BACH2: variants seen among roughly 807,000 people sequenced by gnomAD.
The protein encoded by BACH2 is BACH transcriptional regulator 2, also known as transcription regulator protein BACH2.
A neutral mutation model predicts 61.8 loss-of-function variants in BACH2; 5 were observed. The ratio of observed to expected loss-of-function variants is 0.08; its 90% CI spans 0.04 to 0.17. The LOEUF is 0.17. BACH2 is among the 10% of genes least tolerant of loss of function. The pLI is 1.00. For missense variants in BACH2, 824 were observed against 1,091.1 expected (o/e 0.76, Z 3.45); for synonymous variants, 446 against 440.1 (o/e 1.01, Z -0.17).
intron 4 of BACH2, among the ~76,000 whole-genome samples, chr6:90,126,977 C>T (rs750679952): frequency 2.0e-5 from 3 of 152,202 alleles, no homozygotes; most frequent in Non-Finnish European, 4.4e-5. Context: ...TGTTTCCTTC[C>T]TCCCTTTAAA....
intron 4 of BACH2, among the ~76,000 whole-genome samples, chr6:90,106,634 T>C (rs1302312914): frequency 6.6e-6 from 1 of 152,082 alleles, no homozygotes; most frequent in East Asian, 1.9e-4. Flanking sequence ...AAGCAATGAA[T>C]GACTGTGCTA....
chr6:90,291,690 T>A (rs1264784157), intron 1 of BACH2, among the ~76,000 whole-genome samples: 1 of 151,966 alleles, frequency 6.6e-6, no homozygotes, highest in Non-Finnish European at 1.5e-5. Context: ...TCATAGCAGG[T>A]TTCAGTTTGG....
chr6:90,229,857 C>T (rs1358682695), intron 3 of BACH2, among the ~76,000 whole-genome samples: 15 of 152,240 alleles, frequency 9.9e-5, no homozygotes, highest in Admixed American at 2.6e-4. Flanking sequence ...ATTGTGCCGT[C>T]GAGATATTTG....
chr6:90,135,611 G>C (rs964617489), intron 4 of BACH2, among the ~76,000 whole-genome samples: 1 of 152,120 alleles, frequency 6.6e-6, no homozygotes, highest in African/African-American at 2.4e-5. Flanking sequence ...AGATACTCGA[G>C]AGCTGAGTAG....
At chr6:90,054,839 C>T (rs570068895) in intron 5 of BACH2, among the ~76,000 whole-genome samples, 13 of 152,298 alleles carry the variant, frequency 8.5e-5, no homozygotes, top group African/African-American at 2.4e-4. Context: ...CTGCAGCCAC[C>T]GCTGCTGATA....
intron 6 of BACH2, among the ~76,000 whole-genome samples, chr6:89,991,780 T>C (rs1776588717): frequency 1.3e-5 from 2 of 152,162 alleles, no homozygotes; most frequent in Non-Finnish European, 2.9e-5. Context: ...ATTAGTCTCT[T>C]TTAATCTAGG....
intron 4 of BACH2, among the ~76,000 whole-genome samples, chr6:90,103,027 ATATTTT>A (rs1285956147): frequency 4.1e-5 from 1 of 24,470 alleles, no homozygotes; most frequent in African/African-American, 2.3e-4. Context: ...ATATATATAT[ATATTTT>A]TTTTTTTTTT....
At chr6:90,263,853 C>T (rs763987509) in intron 2 of BACH2, among the ~76,000 whole-genome samples, 1 of 152,126 alleles carries the variant, frequency 6.6e-6, no homozygotes, top group Non-Finnish European at 1.5e-5. Context: ...GGTAATGGCA[C>T]CAGCAAAATC....
chr6:90,089,439 A>G (rs1330620546), intron 4 of BACH2, among the ~76,000 whole-genome samples: 1 of 151,938 alleles, frequency 6.6e-6, no homozygotes, highest in Non-Finnish European at 1.5e-5. Flanking sequence ...TCTATATTTC[A>G]TCTCACGTTT....
intron 6 of BACH2, chr6:89,952,988 G>C (rs571102144): frequency 2.0e-5 from 3 of 152,234 alleles, no homozygotes; most frequent in African/African-American, 7.2e-5. Flanking sequence ...GGAAGGTGAC[G>C]CATGTCTACA....
chr6:90,247,249 T>C (rs1040214513), intron 3 of BACH2, among the ~76,000 whole-genome samples: 4 of 151,192 alleles, frequency 2.6e-5, no homozygotes, highest in South Asian at 4.2e-4. Context: ...TCTTCTTCTT[T>C]TTTTTTTTTT....
At chr6:90,248,946 AAAG>A (rs1338290607) in intron 3 of BACH2, among the ~76,000 whole-genome samples, 1 of 152,222 alleles carries the variant, frequency 6.6e-6, no homozygotes, top group Non-Finnish European at 1.5e-5. Flanking sequence ...TATAGAATCA[AAAG>A]AAGGAGTTAA....
intron 4 of BACH2, among the ~76,000 whole-genome samples, chr6:90,097,636 T>C (rs1782434541): frequency 6.6e-6 from 1 of 152,206 alleles, no homozygotes; most frequent in Non-Finnish European, 1.5e-5. Flanking sequence ...CCTTCTGTAT[T>C]AGCCGATATA....
chr6:90,107,663 A>AT (rs35319113), intron 4 of BACH2, among the ~76,000 whole-genome samples: 2,221 of 134,760 alleles, frequency 0.016, 40 homozygotes, highest in African/African-American at 0.044. Flanking sequence ...TCTATTTGTG[A>AT]TTTTTTTTTT....
chr6:89,942,758 G>A (rs1773510473), intron 7 of BACH2, among the ~76,000 whole-genome samples: 1 of 152,218 alleles, frequency 6.6e-6, no homozygotes, highest in African/African-American at 2.4e-5. Flanking sequence ...GGCAGCCACT[G>A]AGTCAGCAGG....
At chr6:90,035,696 G>T (rs1191479840) in intron 5 of BACH2, among the ~76,000 whole-genome samples, 1 of 152,022 alleles carries the variant, frequency 6.6e-6, no homozygotes, top group Admixed American at 6.6e-5. Flanking sequence ...GCCCCAACAA[G>T]ATGATAAAGG....
At chr6:90,104,091 C>T (rs1782795434) in intron 4 of BACH2, among the ~76,000 whole-genome samples, 1 of 152,064 alleles carries the variant, frequency 6.6e-6, no homozygotes, top group Non-Finnish European at 1.5e-5. Context: ...ATCAAGGGTC[C>T]CCTGATATTA....
chr6:90,191,034 G>C (rs997516101), intron 4 of BACH2, among the ~76,000 whole-genome samples: 1 of 152,254 alleles, frequency 6.6e-6, no homozygotes, highest in Non-Finnish European at 1.5e-5. Context: ...TTCAAGAGGA[G>C]AGCTTTCTTT....
intron 3 of BACH2, among the ~76,000 whole-genome samples, chr6:90,241,367 C>T (rs1399025131): frequency 6.6e-6 from 1 of 152,092 alleles, no homozygotes; most frequent in Non-Finnish European, 1.5e-5. Flanking sequence ...CTCCAAATGG[C>T]TCCCCCTCCC....
Sources: gnomAD v4.1 joint callset for allele counts (sites outside exome capture counted in the v4.1 genomes callset) on GRCh38, gnomAD v4.1.1 for gene constraint, MANE v1.5 for transcripts, NCBI Gene and HGNC (gene_info 2026-07-23, HGNC 2026-07-21) for gene names.